Variants in STAG1 observed in about 807,000 individuals in gnomAD.
STAG1 encodes the protein cohesin subunit SA-1.
Under a neutral mutation model 170.9 loss-of-function variants are expected in STAG1, and 26 were observed. That is an observed-to-expected ratio of 0.15 (90% CI 0.11 to 0.21). The LOEUF (loss-of-function observed/expected upper bound fraction) is 0.21, where lower values mean the gene tolerates loss of function less well. Among genes scored for constraint, STAG1 ranks in the 10% least tolerant of loss-of-function variants. STAG1 has a pLI of 1.00. For missense variants in STAG1, 964 were observed against 1,509.5 expected (o/e 0.64, Z 5.99); for synonymous variants, 514 against 497.7 (o/e 1.03, Z -0.44).
chr3:136,554,237 G>A (rs193000567), intron 5 of STAG1, among the ~76,000 whole-genome samples: 173 of 152,290 alleles, frequency 1.1e-3, no homozygotes, highest in African/African-American at 3.5e-3. Flanking sequence ...ACAGACACAA[G>A]AGGGAGGGTA....
At chr3:136,467,210 T>C (rs2089489051) in intron 12 of STAG1, among the ~76,000 whole-genome samples, 1 of 152,112 alleles carries the variant, frequency 6.6e-6, no homozygotes. Context: ...AGACACAGAC[T>C]GGCAAATTGG....
intron 7 of STAG1, among the ~76,000 whole-genome samples, chr3:136,504,497 T>A (rs1559845700): frequency 6.6e-6 from 1 of 152,190 alleles, no homozygotes; most frequent in Non-Finnish European, 1.5e-5. Flanking sequence ...AGTAGTAGTA[T>A]ATTGGACTAC....
intron 22 of STAG1, among the ~76,000 whole-genome samples, chr3:136,396,283 T>C (rs2087153566): frequency 6.8e-6 from 1 of 146,460 alleles, no homozygotes. Flanking sequence ...CCACGCGATC[T>C]CTCCGCTCAC....
intron 12 of STAG1, among the ~76,000 whole-genome samples, chr3:136,471,995 G>T (rs2089639497): frequency 6.6e-6 from 1 of 152,056 alleles, no homozygotes; most frequent in Admixed American, 6.6e-5. Flanking sequence ...GTGCCACCAT[G>T]CCAGTTAATT....
intron 5 of STAG1, among the ~76,000 whole-genome samples, chr3:136,542,929 G>A (rs1255127883): frequency 6.6e-6 from 1 of 152,076 alleles, no homozygotes; most frequent in African/African-American, 2.4e-5. Context: ...TTACATGCAG[G>A]CAGACTGGCT....
chr3:136,349,122 G>A (rs1398946770), intron 29 of STAG1, 36 bp downstream of exon 29: 1 of 1,480,012 alleles, frequency 6.8e-7, no homozygotes, highest in Non-Finnish European at 9.4e-7. Context: ...TTTAAAACCA[G>A]GCAAATTGTT....
chr3:136,623,922 C>A (rs1939974296), intron 2 of STAG1, among the ~76,000 whole-genome samples: 1 of 151,918 alleles, frequency 6.6e-6, no homozygotes, highest in African/African-American at 2.4e-5. Context: ...TGCACTCCAG[C>A]CTGGGCAACA....
intron 21 of STAG1, among the ~76,000 whole-genome samples, chr3:136,412,990 G>A (rs2087668813): frequency 6.6e-6 from 1 of 150,962 alleles, no homozygotes. Context: ...AGCCCCCTAA[G>A]TAGCTGGGAT....
Position 136,520,772 on chromosome 3 carries a change from G to C in STAG1, c.676+441C>G, listed in dbSNP as rs116608411. On this transcript the variant is annotated intron_variant, in intron 7 of 33. Transcript: ENST00000383202. ...AGCACTAGGAATAGGAAGAATGTTT[G>C]TTACCCTAATGGACAGAATTGTTTC... 5.9e-3 allele frequency among the ~76,000 whole-genome samples: 893 copies of C among 152,142 alleles called. 11 individuals carry two copies. The highest frequency in any genetic ancestry group is 0.02 in the African/African-American group (838 of 41,536).
chr3:136,724,016 C>T (rs1438416562), intron 1 of STAG1, among the ~76,000 whole-genome samples: 3 of 146,728 alleles, frequency 2.0e-5, no homozygotes, highest in South Asian at 4.4e-4. Flanking sequence ...CCGCCCCGTC[C>T]GGGAGGTGAG....
At chr3:136,540,822 CAAAAAAAAAAAAAAAAAAA>C (rs554338920) in intron 6 of STAG1, among the ~76,000 whole-genome samples, 1 of 46,276 alleles carries the variant, frequency 2.2e-5, no homozygotes, top group Admixed American at 4.2e-4. Flanking sequence ...ACTGTGTCTC[CAAAAAAAAAAAAAAAAAAA>C]AAAAAAAAAA....
chr3:136,725,386 T>C (rs1348390694), intron 1 of STAG1, among the ~76,000 whole-genome samples: 1 of 152,202 alleles, frequency 6.6e-6, no homozygotes, highest in African/African-American at 2.4e-5. Flanking sequence ...GCTATTAACA[T>C]TGCTGGTTCC....
chr3:136,377,384 C>A (rs1423266084), intron 23 of STAG1, among the ~76,000 whole-genome samples: 1 of 92 alleles, frequency 0.011, no homozygotes, highest in African/African-American at 0.083. Flanking sequence ...GAGACTCTGT[C>A]TCAAAAAAAA....
rs71134408 is a variant in STAG1, at chr3:136,747,093, TAAAAAAAAAAAAAAA to T, written c.-84+5087_-84+5101del. ...CCTGGGCAACAAGAGTGAAACTGTC[TAAAAAAAAAAAAAAA>T]AAAAAAAAAAAAAAATTAGCCGGGC... On this transcript the variant is annotated intron_variant, in intron 1 of 33. Transcript: ENST00000383202. 9.9e-4 allele frequency among the ~76,000 whole-genome samples: 59 copies of T among 59,324 alleles called. No individual in the cohort carries two copies. The East Asian group carries it at 0.036, about 36-fold the overall frequency. The allele number at this position is 59,324 out of a possible 152,430, so 38.9% of individuals were successfully genotyped here.
intron 1 of STAG1, among the ~76,000 whole-genome samples, chr3:136,708,851 T>C (rs959986515): frequency 6.6e-6 from 1 of 151,896 alleles, no homozygotes; most frequent in African/African-American, 2.4e-5. Flanking sequence ...ATTATTTAAG[T>C]TGGGGTACAG....
At chr3:136,427,717 C>T (rs188188145) in intron 16 of STAG1, among the ~76,000 whole-genome samples, 3 of 149,578 alleles carry the variant, frequency 2.0e-5, no homozygotes, top group African/African-American at 7.4e-5. Flanking sequence ...GTGCAAAAAC[C>T]ACTGTACCTT....
At chr3:136,637,153 C>T (rs1448052306) in intron 1 of STAG1, among the ~76,000 whole-genome samples, 2 of 152,190 alleles carry the variant, frequency 1.3e-5, no homozygotes, top group East Asian at 3.8e-4. Flanking sequence ...TTCTCTGTAG[C>T]ATAAAGGTTT....
chr3:136,710,127 A>G (rs753533118), intron 1 of STAG1, among the ~76,000 whole-genome samples: 3 of 152,194 alleles, frequency 2.0e-5, no homozygotes, highest in Non-Finnish European at 4.4e-5. Flanking sequence ...ACAATACAAC[A>G]GCATTTTTGG....
intron 3 of STAG1, 100 bp downstream of exon 3, chr3:136,623,041 ATTTTT>A (rs1490677641): frequency 1.1e-6 from 1 of 945,310 alleles, no homozygotes; most frequent in Non-Finnish European, 1.6e-6. Flanking sequence ...GTGTCACTGA[ATTTTT>A]TTTAAGTATT....
Sources: allele counts gnomAD v4.1 joint callset (sites outside exome capture counted in the v4.1 genomes callset), GRCh38; gene constraint gnomAD v4.1.1; transcripts MANE v1.5; gene names NCBI Gene and HGNC (gene_info 2026-07-23, HGNC 2026-07-21).